Variants in CSMD1 observed in about 807,000 individuals in gnomAD.
CSMD1 encodes CUB and Sushi multiple domains 1, also known as CUB and sushi domain-containing protein 1.
In CSMD1, 213 loss-of-function variants were observed where a neutral mutation model predicts 417.5. The ratio of observed to expected loss-of-function variants is 0.51; its 90% CI spans 0.46 to 0.57. CSMD1 has a LOEUF of 0.57. Ranked by LOEUF, CSMD1 falls within the 20% of genes least tolerant of loss-of-function variation. The probability of loss-of-function intolerance (pLI) is 0.00; values close to 1 mark genes in which losing one functional copy is unlikely to be tolerated. For missense variants in CSMD1, 6,923 were observed against 4,529.7 expected (o/e 1.53, Z -15.17); for synonymous variants, 2,862 against 1,736.8 (o/e 1.65, Z -16.11).
intron 3 of CSMD1, among the ~76,000 whole-genome samples, chr8:4,182,542 T>G (rs1008262402): frequency 6.6e-6 from 1 of 152,172 alleles, no homozygotes; most frequent in Non-Finnish European, 1.5e-5. Context: ...TCGATATTTG[T>G]TCCTTTCAAA....
intron 3 of CSMD1, among the ~76,000 whole-genome samples, chr8:4,264,332 A>G (rs1467562437): frequency 6.6e-6 from 1 of 152,196 alleles, no homozygotes; most frequent in African/African-American, 2.4e-5. Context: ...TTTTCAGGAA[A>G]AATACTCATT....
intron 11 of CSMD1, among the ~76,000 whole-genome samples, chr8:3,492,700 GAAC>G (rs1443115982): frequency 6.6e-6 from 1 of 152,190 alleles, no homozygotes; most frequent in Non-Finnish European, 1.5e-5. Context: ...TAAGGCTGCA[GAAC>G]AGTCTGTGAT....
chr8:4,574,739 T>C (rs79048556), intron 2 of CSMD1, among the ~76,000 whole-genome samples: 42 of 152,328 alleles, frequency 2.8e-4, no homozygotes, highest in East Asian at 1.3e-3. Flanking sequence ...CACACACCTT[T>C]ATCATGAGGT....
chr8:3,045,292 G>T (rs973099531), intron 50 of CSMD1, among the ~76,000 whole-genome samples: 20 of 152,240 alleles, frequency 1.3e-4, no homozygotes, highest in African/African-American at 4.6e-4. Flanking sequence ...ACCATTTAAT[G>T]GAACCTGCAA....
chr8:4,915,593 G>C (rs370004035), intron 1 of CSMD1, among the ~76,000 whole-genome samples: 6 of 152,310 alleles, frequency 3.9e-5, no homozygotes, highest in African/African-American at 1.2e-4. Context: ...GGACAGCTGG[G>C]GGACTGTTGC....
intron 1 of CSMD1, among the ~76,000 whole-genome samples, chr8:4,873,529 A>G (rs936047591): frequency 2.4e-4 from 36 of 152,108 alleles, no homozygotes; most frequent in Non-Finnish European, 1.0e-4. Context: ...TGTGTGTAGT[A>G]TCTTAACAGC....
At position 3,857,126 on chromosome 8, in the gene CSMD1, G is replaced by T. The variant is rs1301893319; in HGVS notation, c.819-103084C>A. ...GCTCTTTAGTCATAAAAGTAACTAA[G>T]ACAAAGTTGTCTACGAAGTTAGTGT... On this transcript the variant is annotated intron_variant, in intron 5 of 69. Transcript: ENST00000635120. Among the ~76,000 whole-genome samples, 4 of 152,042 alleles carry T rather than the reference G, an allele frequency of 2.6e-5. No homozygotes were observed. In the East Asian group the frequency reaches 7.7e-4, roughly 29 times the overall value.
chr8:3,989,720 T>C (rs1814603671), intron 5 of CSMD1, among the ~76,000 whole-genome samples: 2 of 152,230 alleles, frequency 1.3e-5, no homozygotes, highest in African/African-American at 4.8e-5. Context: ...CTTAGATACT[T>C]GTATTTACTA....
At chr8:3,605,570 T>G (rs1448718622) in intron 8 of CSMD1, among the ~76,000 whole-genome samples, 1 of 152,252 alleles carries the variant, frequency 6.6e-6, no homozygotes, top group Admixed American at 6.5e-5. Flanking sequence ...TTCTGCTTCT[T>G]ATTATGTAAT....
intron 12 of CSMD1, among the ~76,000 whole-genome samples, chr8:3,464,168 G>C (rs1816672349): frequency 6.6e-6 from 1 of 152,092 alleles, no homozygotes; most frequent in Non-Finnish European, 1.5e-5. Context: ...ATGATTTCTG[G>C]AGATGCAGTT....
At chr8:3,968,160 C>G (rs1291816911) in intron 5 of CSMD1, among the ~76,000 whole-genome samples, 2 of 151,322 alleles carry the variant, frequency 1.3e-5, no homozygotes, top group African/African-American at 2.4e-5. Flanking sequence ...GCACTCCAGC[C>G]TGGGTGACAG....
chr8:4,300,430 T>A lies in CSMD1; in HGVS notation c.415+119523A>T, dbSNP rs193244364. Among the ~76,000 whole-genome samples, 17 of 152,346 alleles carry A rather than the reference T, an allele frequency of 1.1e-4. No individual in the cohort carries two copies. In the East Asian group the frequency reaches 3.3e-3, roughly 29 times the overall value. The stretch of plus-strand genomic sequence containing the variant: ...TTTTGTAAGCGATGATGCCAGGCAT[T>A]CAGTCCATCCCTAAAGAACTGAGTG... On this transcript the variant is annotated intron_variant, in intron 3 of 69. Transcript: ENST00000635120.
At chr8:4,378,477 T>G (rs1367646766) in intron 3 of CSMD1, among the ~76,000 whole-genome samples, 1 of 152,194 alleles carries the variant, frequency 6.6e-6, no homozygotes, top group Non-Finnish European at 1.5e-5. Context: ...TCTCCCTAGT[T>G]TTTATCCCCT....
chr8:3,926,108 C>CACACACACAAACACCAT (rs1809695495), intron 5 of CSMD1, among the ~76,000 whole-genome samples: 1 of 79,180 alleles, frequency 1.3e-5, no homozygotes, highest in South Asian at 3.3e-4. Flanking sequence ...CACACACACA[C>CACACACACAAACACCAT]ACACACACAC....
chr8:4,916,357 C>T (rs1806068367), intron 1 of CSMD1, among the ~76,000 whole-genome samples: 1 of 152,066 alleles, frequency 6.6e-6, no homozygotes, highest in Admixed American at 6.5e-5. Flanking sequence ...TGGCAAAACC[C>T]TTTGAAAAAA....
In CSMD1 at chr8:4,104,521, C is replaced by A. The variant is rs141146428; in HGVS notation, c.416-72422G>T. On this transcript the variant is annotated intron_variant, in intron 3 of 69. Coordinates refer to ENST00000635120, the MANE Select transcript of CSMD1 (RefSeq NM_033225.6). ...CTTTCACGGATTGAGGCCCCACCCT[C>A]CCACACCCTAAATTTGCAACTTTTC... Among the ~76,000 whole-genome samples the A allele has an allele frequency of 1.2e-3, 176 of 152,222 alleles. 1 individual carries two copies. Among genetic ancestry groups the A allele is most frequent in the African/African-American group, 4.0e-3 (165 of 41,552 alleles).
At chr8:3,328,362 C>T (rs1287842634) in intron 23 of CSMD1, among the ~76,000 whole-genome samples, 4 of 152,210 alleles carry the variant, frequency 2.6e-5, no homozygotes, top group Non-Finnish European at 4.4e-5. Flanking sequence ...TCAATATCAT[C>T]TGACCCTAAG....
intron 49 of CSMD1, among the ~76,000 whole-genome samples, chr8:3,072,185 A>T (rs756869374): frequency 6.6e-6 from 1 of 152,236 alleles, no homozygotes; most frequent in Non-Finnish European, 1.5e-5. Context: ...GTCTGCACAG[A>T]TTCAAACTAT....
intron 4 of CSMD1, among the ~76,000 whole-genome samples, chr8:4,020,751 C>T (rs1046844809): frequency 5.9e-5 from 9 of 152,220 alleles, no homozygotes; most frequent in Non-Finnish European, 1.3e-4. Context: ...TTAGACCCAA[C>T]GTCATTACTT....
Sources: allele counts gnomAD v4.1 joint callset (sites outside exome capture counted in the v4.1 genomes callset), GRCh38; gene constraint gnomAD v4.1.1; transcripts MANE v1.5; gene names NCBI Gene and HGNC (gene_info 2026-07-23, HGNC 2026-07-21).